Variants in DAB1 observed in about 807,000 individuals in gnomAD.
DAB1 encodes disabled homolog 1.
In DAB1, 15 loss-of-function variants were observed where a neutral mutation model predicts 64.6. The observed-to-expected ratio is 0.23, with a 90% CI of 0.16 to 0.36. DAB1 has a LOEUF of 0.36. DAB1 is among the 10% of genes least tolerant of loss of function. DAB1 has a pLI of 1.00. For missense variants in DAB1, 596 were observed against 706.7 expected, an observed-to-expected ratio of 0.84 and a Z score of 1.78; for synonymous variants, 235 against 251.9, an observed-to-expected ratio of 0.93 and a Z score of 0.64.
chr1:58,409,992 C>G (rs898355355), intron 3 of DAB1, among the ~76,000 whole-genome samples: 1 of 152,160 alleles, frequency 6.6e-6, no homozygotes, highest in African/African-American at 2.4e-5. Context: ...CCTGTACTTC[C>G]CCACACACCA....
chr1:58,245,258 C>T (rs1660479244), intron 4 of DAB1, among the ~76,000 whole-genome samples: 1 of 152,158 alleles, frequency 6.6e-6, no homozygotes, highest in Admixed American at 6.5e-5. Context: ...AAAGTGAAAG[C>T]AGAAGGTGCC....
At chr1:57,850,209 C>G (rs1166072084) in intron 1 of DAB1, among the ~76,000 whole-genome samples, 2 of 152,154 alleles carry the variant, frequency 1.3e-5, no homozygotes, top group African/African-American at 2.4e-5. Context: ...TGGAACAAAG[C>G]CTTCAGATTT....
rs147439225 is a variant in DAB1, at chr1:57,653,950, C to T, written n.552-4285G>A. ...CTACAAAGTGACAGCAGCATTTATA[C>T]CAATCTGGCGTTAGTTCACACTGTT... On this transcript the variant is annotated intron_variant and non_coding_transcript_variant, in intron 6 of 20. Coordinates refer to the DAB1 transcript ENST00000485760. Among the ~76,000 whole-genome samples the T allele has an allele frequency of 1.7e-3, 254 of 152,262 alleles. 1 individual carries two copies. The highest frequency in any genetic ancestry group is 3.4e-3 in the Middle Eastern group (1 of 294).
intron 9 of DAB1, among the ~76,000 whole-genome samples, chr1:57,044,108 C>T (rs182444776): frequency 2.0e-4 from 31 of 152,294 alleles, no homozygotes; most frequent in African/African-American, 7.2e-4. Flanking sequence ...AGACTTGGGC[C>T]AGGTGTCACC....
intron 7 of DAB1, among the ~76,000 whole-genome samples, chr1:57,558,409 G>C (rs1645014669): frequency 1.3e-5 from 2 of 152,154 alleles, no homozygotes; most frequent in African/African-American, 4.8e-5. Flanking sequence ...AGTCCCAGCG[G>C]GCCCCTAGAG....
chr1:57,883,734 T>A (rs1024206808), intron 1 of DAB1, among the ~76,000 whole-genome samples: 7 of 152,202 alleles, frequency 4.6e-5, no homozygotes, highest in African/African-American at 1.7e-4. Context: ...CAGAGACAAG[T>A]AACCCTGAAT....
chr1:57,822,641 G>A (rs1557500421), downstream of DAB1, among the ~76,000 whole-genome samples: 1 of 152,076 alleles, frequency 6.6e-6, no homozygotes, highest in Non-Finnish European at 1.5e-5. Context: ...ATATTGCCCT[G>A]TTCTGATTTA....
At chr1:57,590,413 G>A (rs368106755) in intron 7 of DAB1, among the ~76,000 whole-genome samples, 4 of 151,836 alleles carry the variant, frequency 2.6e-5, no homozygotes, top group Admixed American at 1.3e-4. Context: ...TCCACCTCCC[G>A]GTTTCAAGCG....
intron 2 of DAB1, among the ~76,000 whole-genome samples, chr1:57,192,332 A>G (rs1035872013): frequency 6.6e-6 from 1 of 151,444 alleles, no homozygotes; most frequent in Non-Finnish European, 1.5e-5. Context: ...AAAGCGGAAA[A>G]AAAAAAAAAA....
chr1:57,796,389 T>A (rs1650865777), intron 6 of DAB1, among the ~76,000 whole-genome samples: 1 of 151,928 alleles, frequency 6.6e-6, no homozygotes, highest in African/African-American at 2.4e-5. Flanking sequence ...TAGCCAGGCA[T>A]GGTGGCAGGC....
intron 2 of DAB1, among the ~76,000 whole-genome samples, chr1:57,241,030 A>G (rs1164754149): frequency 6.6e-6 from 1 of 152,216 alleles, no homozygotes; most frequent in Non-Finnish European, 1.5e-5. Flanking sequence ...CTATACACGC[A>G]TCCACCAGCA....
chr1:57,411,685 A>G (rs1570474008), intron 1 of DAB1, among the ~76,000 whole-genome samples: 2 of 152,168 alleles, frequency 1.3e-5, no homozygotes, highest in Non-Finnish European at 2.9e-5. Context: ...TCACCCTCTC[A>G]TTAGCTCCAT....
chr1:57,244,189 C>T (rs1370006211), intron 2 of DAB1, among the ~76,000 whole-genome samples: 1 of 152,140 alleles, frequency 6.6e-6, no homozygotes, highest in African/African-American at 2.4e-5. Context: ...TTTTTAAAGC[C>T]TTACACTATC....
In DAB1 at chr1:58,352,995, C is replaced by T. The variant is rs1001518964; in HGVS notation, n.258-9592G>A. On this transcript the variant is annotated intron_variant and non_coding_transcript_variant, in intron 3 of 20. Transcript: ENST00000485760. ...TAAACTTTTGTTGTTTATAAGCCAC[C>T]TAGTTTACGGTATTTTTGCTTAGCC... 2.6e-5 allele frequency among the ~76,000 whole-genome samples: 4 copies of T among 152,034 alleles called. No individual in the cohort carries two copies. The East Asian group carries it at 7.7e-4, about 29-fold the overall frequency.
chr1:57,034,441 C>A (rs1647070492), intron 9 of DAB1, among the ~76,000 whole-genome samples: 2 of 152,144 alleles, frequency 1.3e-5, no homozygotes, highest in African/African-American at 4.8e-5. Context: ...GTATCTATGT[C>A]TATTACACCA....
chr1:57,187,674 A>G (rs1663708227), intron 2 of DAB1, among the ~76,000 whole-genome samples: 1 of 152,194 alleles, frequency 6.6e-6, no homozygotes, highest in East Asian at 1.9e-4. Flanking sequence ...TCTTATCTAC[A>G]CTTTAAAACT....
chr1:57,883,835 AAAT>A (rs1462483889), intron 1 of DAB1, among the ~76,000 whole-genome samples: 1 of 152,240 alleles, frequency 6.6e-6, no homozygotes, highest in East Asian at 1.9e-4. Flanking sequence ...GTGATTAAAC[AAAT>A]AATGAACCTT....
At chr1:57,347,799 C>A (rs1025628779) in intron 1 of DAB1, among the ~76,000 whole-genome samples, 1 of 151,750 alleles carries the variant, frequency 6.6e-6, no homozygotes, top group Non-Finnish European at 1.5e-5. Context: ...TTTTTTTAAG[C>A]GGCAGATTTG....
At chr1:57,355,319 TCTTC>T (rs918030236) in intron 1 of DAB1, among the ~76,000 whole-genome samples, 4 of 151,700 alleles carry the variant, frequency 2.6e-5, no homozygotes, top group African/African-American at 9.7e-5. Flanking sequence ...TACTTATCTA[TCTTC>T]CTTCCTTCCT....
Sources: gnomAD v4.1 joint callset for allele counts (sites outside exome capture counted in the v4.1 genomes callset) on GRCh38, gnomAD v4.1.1 for gene constraint, MANE v1.5 for transcripts, NCBI Gene and HGNC (gene_info 2026-07-23, HGNC 2026-07-21) for gene names.